Variants in WWOX observed in about 807,000 individuals in gnomAD.
WWOX encodes the protein WW domain-containing oxidoreductase.
A neutral mutation model predicts 46.2 loss-of-function variants in WWOX; 69 were observed. That is an observed-to-expected ratio of 1.49 (90% CI 1.23 to 1.82). The LOEUF (loss-of-function observed/expected upper bound fraction) is 1.82. Ranked by LOEUF, WWOX falls within the 40% of genes most tolerant of loss-of-function variation. The pLI is 0.00. For synonymous variants in WWOX, 359 were observed against 202.6 expected (o/e 1.77, Z -6.56); for missense variants, 919 against 542.6 (o/e 1.69, Z -6.89).
intron 8 of WWOX, among the ~76,000 whole-genome samples, chr16:79,098,826 C>T (rs1050094043): frequency 1.7e-4 from 26 of 152,002 alleles, no homozygotes; most frequent in African/African-American, 6.0e-4. Context: ...TTTTTCCTTG[C>T]AATATGTTGC....
chr16:78,379,950 G>A (rs760389120), intron 5 of WWOX, among the ~76,000 whole-genome samples: 10 of 152,178 alleles, frequency 6.6e-5, no homozygotes, highest in Admixed American at 1.3e-4. Flanking sequence ...AAAAGAAAAC[G>A]GAGATTGAAT....
Position 78,914,841 on chromosome 16 carries a change from T to C in WWOX, c.1057-296767T>C, listed in dbSNP as rs971494264. 2.2e-5 allele frequency among the ~76,000 whole-genome samples: 3 copies of C among 134,264 alleles called. No homozygotes were observed. In the Admixed American group the frequency reaches 2.7e-4, roughly 12 times the overall value. 88.1% of individuals were successfully genotyped at this position (134,264 alleles called of 152,430 possible). On this transcript the variant is annotated intron_variant, in intron 8 of 8. Coordinates refer to ENST00000566780, the MANE Select transcript of WWOX (RefSeq NM_016373.4). ...TTGCAGTGAGCCAGGATCGCGCCAC[T>C]GCACTCCCGCCCGGGTGACAGAGCG...
At chr16:78,825,442 AC>A (rs1377121890) in intron 8 of WWOX, 4 of 365,216 alleles carry the variant, frequency 1.1e-5, no homozygotes, top group Non-Finnish European at 2.2e-5. Context: ...AGCCAACAGA[AC>A]AAAAAATGTT....
intron 8 of WWOX, among the ~76,000 whole-genome samples, chr16:79,114,093 T>C (rs1300596596): frequency 6.6e-6 from 1 of 152,132 alleles, no homozygotes; most frequent in East Asian, 1.9e-4. Flanking sequence ...AGTCATTTGC[T>C]AGTAAGGGTT....
chr16:78,810,858 G>A (rs1004206460), intron 8 of WWOX, among the ~76,000 whole-genome samples: 1 of 152,218 alleles, frequency 6.6e-6, no homozygotes, highest in African/African-American at 2.4e-5. Context: ...AAAGACAAGT[G>A]CTCAGTCATT....
At chr16:78,954,371 G>T (rs1358351076) in intron 8 of WWOX, among the ~76,000 whole-genome samples, 1 of 152,166 alleles carries the variant, frequency 6.6e-6, no homozygotes, top group African/African-American at 2.4e-5. Context: ...TGGATGCATG[G>T]ATGTTTGGGT....
intron 8 of WWOX, among the ~76,000 whole-genome samples, chr16:79,094,498 C>T (rs1597370272): frequency 1.3e-5 from 2 of 152,152 alleles, no homozygotes; most frequent in South Asian, 2.1e-4. Flanking sequence ...GCAGTCTGCC[C>T]ACCTCGGCCT....
intron 5 of WWOX, among the ~76,000 whole-genome samples, chr16:78,273,082 G>T (rs1032845561): frequency 7.9e-5 from 12 of 152,020 alleles, no homozygotes; most frequent in African/African-American, 2.9e-4. Flanking sequence ...TTCTAATTCT[G>T]GGCATTATAT....
At chr16:78,547,323 C>A (rs1320056939) in intron 8 of WWOX, among the ~76,000 whole-genome samples, 3 of 151,958 alleles carry the variant, frequency 2.0e-5, no homozygotes, top group Middle Eastern at 3.4e-3. Context: ...TATTAGTATC[C>A]CCAATTTACA....
At chr16:78,777,957 A>C in intron 8 of WWOX, among the ~76,000 whole-genome samples, 1 of 151,754 alleles carries the variant, frequency 6.6e-6, no homozygotes, top group Middle Eastern at 3.2e-3. Flanking sequence ...AGGTAGGAGA[A>C]TCGCTTGAAC....
chr16:78,316,851 C>G (rs182843858), intron 5 of WWOX, among the ~76,000 whole-genome samples: 1 of 152,178 alleles, frequency 6.6e-6, no homozygotes, highest in Non-Finnish European at 1.5e-5. Context: ...GTATACCATT[C>G]AGTACCAACC....
intron 8 of WWOX, among the ~76,000 whole-genome samples, chr16:79,104,007 T>G (rs1246109738): frequency 4.6e-5 from 5 of 108,366 alleles, no homozygotes; most frequent in Non-Finnish European, 8.5e-5. Flanking sequence ...TGAGCAAAGG[T>G]AGGCACAGCT....
intron 8 of WWOX, among the ~76,000 whole-genome samples, chr16:78,960,403 A>C (rs1016709722): frequency 4.6e-5 from 7 of 152,230 alleles, no homozygotes; most frequent in African/African-American, 1.7e-4. Context: ...TCAGCCATCT[A>C]GACTTGCTCT....
At chr16:79,081,317 C>G (rs948852204) in intron 8 of WWOX, among the ~76,000 whole-genome samples, 2 of 152,168 alleles carry the variant, frequency 1.3e-5, no homozygotes, top group South Asian at 4.1e-4. Flanking sequence ...GTGTGCACCA[C>G]TATGCCCAGC....
chr16:78,369,362 C>G (rs756904511), intron 5 of WWOX, among the ~76,000 whole-genome samples: 60 of 152,160 alleles, frequency 3.9e-4, no homozygotes, highest in Non-Finnish European at 8.1e-4. Context: ...AAAAAAAAGA[C>G]TCAGGAAATG....
intron 5 of WWOX, among the ~76,000 whole-genome samples, chr16:78,204,287 C>G (rs1356904366): frequency 6.6e-6 from 1 of 151,958 alleles, no homozygotes; most frequent in Non-Finnish European, 1.5e-5. Context: ...TTTATGGGTA[C>G]ATAGTAGGTG....
rs1173684948 is a variant in WWOX at position 78,764,628 on chromosome 16, A to T, written c.1056+331876A>T. On this transcript the variant is annotated intron_variant, in intron 8 of 8. Transcript: ENST00000566780. ...TTGGAAGCCATGCTGCTATGGTTTG[A>T]TTCCTGGCTTTCCAACATTACCTTT... is the stretch of plus-strand genomic sequence containing the variant. Among the ~76,000 whole-genome samples, 3 of 146,134 alleles carry T rather than the reference A, an allele frequency of 2.1e-5. No individual in the cohort carries two copies. In the East Asian group the frequency reaches 6.1e-4, roughly 30 times the overall value.
intron 8 of WWOX, among the ~76,000 whole-genome samples, chr16:79,131,968 A>G (rs62038854): frequency 0.14 from 21,633 of 152,058 alleles, 1,622 homozygotes; most frequent in African/African-American, 0.17. Flanking sequence ...AGACTTATTC[A>G]CTATCATGAG....
intron 8 of WWOX, among the ~76,000 whole-genome samples, chr16:78,683,467 G>T (rs1184062580): frequency 6.6e-6 from 1 of 151,962 alleles, no homozygotes; most frequent in Non-Finnish European, 1.5e-5. Flanking sequence ...TTGAACCGGG[G>T]AGGTGGAGGT....
Sources: gnomAD v4.1 joint callset for allele counts (sites outside exome capture counted in the v4.1 genomes callset) on GRCh38, gnomAD v4.1.1 for gene constraint, MANE v1.5 for transcripts, NCBI Gene and HGNC (gene_info 2026-07-23, HGNC 2026-07-21) for gene names.